The following DDX10 variants were observed in gnomAD, a reference collection of about 807,000 sequenced individuals.
DDX10 encodes the protein DEAD-box helicase 10, also known as probable ATP-dependent RNA helicase DDX10.
DDX10 carries 74 observed loss-of-function variants against 104.3 expected under a neutral mutation model. The observed-to-expected ratio is 0.71, with a 90% confidence interval of 0.59 to 0.86. The LOEUF (loss-of-function observed/expected upper bound fraction) is 0.86. Ranked by LOEUF, DDX10 falls within the 40% of genes least tolerant of loss-of-function variation. DDX10 has a pLI of 0.00. For synonymous variants in DDX10, 351 were observed against 353.4 expected, an observed-to-expected ratio of 0.99 and a Z score of 0.08; for missense variants, 952 against 1,040.0, an observed-to-expected ratio of 0.92 and a Z score of 1.16.
At chr11:108,918,139 C>T (rs1287037268) in intron 17 of DDX10, 121 bp downstream of exon 17, 3 of 971,256 alleles carry the variant, frequency 3.1e-6, no homozygotes, top group Non-Finnish European at 4.7e-6. Flanking sequence ...TTTTTTGATA[C>T]CTTTACTTAG....
intron 11 of DDX10, among the ~76,000 whole-genome samples, chr11:108,718,644 A>G (rs1485418435): frequency 6.6e-6 from 1 of 152,238 alleles, no homozygotes; most frequent in Non-Finnish European, 1.5e-5. Flanking sequence ...CACTGATTAT[A>G]GAAAAGTGTG....
intron 16 of DDX10, among the ~76,000 whole-genome samples, chr11:108,906,111 A>G (rs1406194728): frequency 6.6e-6 from 1 of 152,130 alleles, no homozygotes; most frequent in Non-Finnish European, 1.5e-5. Context: ...TTATTGAGTA[A>G]TATTTTAGTC....
intron 7 of DDX10, 36 bp downstream of exon 7, chr11:108,689,098 T>G: frequency 1.2e-6 from 2 of 1,607,022 alleles, no homozygotes; most frequent in South Asian, 2.2e-5. Flanking sequence ...GAACGTATGT[T>G]GAATGTCCCT....
chr11:108,811,045 T>A (rs773379158), intron 13 of DDX10, among the ~76,000 whole-genome samples: 1 of 152,254 alleles, frequency 6.6e-6, no homozygotes. Context: ...TTTGTTTACC[T>A]TCCTTAGTGA....
intron 16 of DDX10, among the ~76,000 whole-genome samples, chr11:108,871,257 T>G (rs961354940): frequency 6.6e-6 from 1 of 151,974 alleles, no homozygotes; most frequent in Non-Finnish European, 1.5e-5. Context: ...GTGAAAGGGG[T>G]TGCAGTGACT....
At chr11:108,736,872 C>T (rs936881206) in intron 13 of DDX10, among the ~76,000 whole-genome samples, 1 of 152,164 alleles carries the variant, frequency 6.6e-6, no homozygotes, top group Non-Finnish European at 1.5e-5. Flanking sequence ...CAGACTAAGA[C>T]AAGTTCTCTA....
chr11:108,796,412 C>T (rs1861942351), intron 13 of DDX10, among the ~76,000 whole-genome samples: 1 of 152,184 alleles, frequency 6.6e-6, no homozygotes, highest in African/African-American at 2.4e-5. Context: ...TTTTCTTCCA[C>T]TGAGTCTTGA....
At position 108,743,357 on chromosome 11, in the gene DDX10, G is replaced by A. The variant is rs79833675; in HGVS notation, c.1965+19895G>A. On this transcript the variant is annotated intron_variant, in intron 13 of 17. Coordinates refer to ENST00000322536, the MANE Select transcript of DDX10 (RefSeq NM_004398.4). ...CTTCATGTTAAAAACCCTCTAACTAGGCATTGAAGGAATAAACGTCAAAAT... is the reference window on the plus strand; with the variant it reads ...CTTCATGTTAAAAACCCTCTAACTAAGCATTGAAGGAATAAACGTCAAAAT... Among the ~76,000 whole-genome samples, 1,064 of 152,158 alleles carry A rather than the reference G, an allele frequency of 7.0e-3. 4 individuals carry two copies. Among genetic ancestry groups the A allele is most frequent in the Non-Finnish European group, 0.01 (706 of 68,006 alleles).
intron 13 of DDX10, among the ~76,000 whole-genome samples, chr11:108,770,743 C>T (rs190774198): frequency 6.6e-6 from 1 of 151,450 alleles, no homozygotes; most frequent in East Asian, 1.9e-4. Context: ...GCATATGTAC[C>T]TCATTTTTTT....
intron 16 of DDX10, among the ~76,000 whole-genome samples, chr11:108,885,578 T>C (rs919019138): frequency 2.0e-5 from 3 of 152,020 alleles, no homozygotes; most frequent in Non-Finnish European, 2.9e-5. Context: ...TTTCACCACG[T>C]TGGCCAGGCT....
intron 13 of DDX10, among the ~76,000 whole-genome samples, chr11:108,780,877 A>C (rs772725386): frequency 5.3e-5 from 8 of 152,208 alleles, no homozygotes; most frequent in Non-Finnish European, 1.2e-4. Context: ...ATTCACTTAT[A>C]AACAAGCTCG....
At chr11:108,803,950 C>T (rs1862061185) in intron 13 of DDX10, among the ~76,000 whole-genome samples, 2 of 152,298 alleles carry the variant, frequency 1.3e-5, no homozygotes, top group South Asian at 4.1e-4. Flanking sequence ...TTTGGGTTCT[C>T]TCATCCCTTT....
intron 9 of DDX10, among the ~76,000 whole-genome samples, chr11:108,699,182 G>A (rs376627401): frequency 2.0e-5 from 3 of 152,174 alleles, no homozygotes; most frequent in African/African-American, 7.2e-5. Context: ...CTACATTTGA[G>A]ATAGTGATTC....
intron 5 of DDX10, among the ~76,000 whole-genome samples, chr11:108,678,870 A>ATTTTT (rs769948315): frequency 6.5e-5 from 6 of 92,710 alleles, no homozygotes; most frequent in African/African-American, 9.7e-5. Flanking sequence ...GTTTCCCCTA[A>ATTTTT]TTTTTTTTTT....
At chr11:108,732,162 T>TA (rs1427675726) in intron 13 of DDX10, among the ~76,000 whole-genome samples, 1 of 152,222 alleles carries the variant, frequency 6.6e-6, no homozygotes, top group Non-Finnish European at 1.5e-5. Context: ...CATATCATTA[T>TA]AATTAAGACC....
intron 15 of DDX10, among the ~76,000 whole-genome samples, chr11:108,849,719 G>A (rs930121214): frequency 1.2e-4 from 18 of 151,538 alleles, no homozygotes; most frequent in African/African-American, 4.4e-4. Flanking sequence ...TTTGGTACCA[G>A]TATGTCCTCA....
At chr11:108,789,792 T>C (rs1386963227) in intron 13 of DDX10, among the ~76,000 whole-genome samples, 1 of 152,190 alleles carries the variant, frequency 6.6e-6, no homozygotes, top group African/African-American at 2.4e-5. Flanking sequence ...GAAACCTGGA[T>C]GAAAGGAAAT....
intron 15 of DDX10, among the ~76,000 whole-genome samples, chr11:108,844,427 A>C (rs1862685572): frequency 6.6e-6 from 1 of 152,230 alleles, no homozygotes; most frequent in Non-Finnish European, 1.5e-5. Flanking sequence ...TAGCATTAGC[A>C]TGTTTACTAC....
intron 13 of DDX10, among the ~76,000 whole-genome samples, chr11:108,804,053 G>T (rs1862062638): frequency 6.6e-6 from 1 of 152,278 alleles, no homozygotes; most frequent in East Asian, 1.9e-4. Flanking sequence ...TCATAGGTTT[G>T]AAATGTAAGT....
Sources: allele counts gnomAD v4.1 joint callset (sites outside exome capture counted in the v4.1 genomes callset), GRCh38; gene constraint gnomAD v4.1.1; transcripts MANE v1.5; gene names NCBI Gene and HGNC (gene_info 2026-07-23, HGNC 2026-07-21).